CDON: variants seen among roughly 807,000 people sequenced by gnomAD.
CDON encodes cell adhesion molecule-related/down-regulated by oncogenes.
In CDON, 73 loss-of-function variants were observed where a neutral mutation model predicts 120.9. The observed-to-expected ratio is 0.60, with a 90% CI of 0.50 to 0.73. The LOEUF is 0.73. Ranked by LOEUF, CDON falls within the 30% of genes least tolerant of loss-of-function variation. The pLI is 0.00. For synonymous variants in CDON, 566 were observed against 573.5 expected, an observed-to-expected ratio of 0.99 and a Z score of 0.19; for missense variants, 1,470 against 1,587.3, an observed-to-expected ratio of 0.93 and a Z score of 1.26.
intron 2 of CDON, 86 bp downstream of exon 2, chr11:126,023,315 T>C (rs1947690151): frequency 2.3e-6 from 2 of 878,762 alleles, no homozygotes; most frequent in African/African-American, 3.3e-5. Flanking sequence ...AGCACCATTA[T>C]CACAAAGCAT....
At chr11:125,978,883 G>A (rs1482300517) in intron 17 of CDON, among the ~76,000 whole-genome samples, 4 of 152,164 alleles carry the variant, frequency 2.6e-5, no homozygotes, top group East Asian at 1.9e-4. Context: ...ACTTGACAAC[G>A]CTAAGTTTTA....
At chr11:126,053,897 T>C (rs1483022895) in intron 1 of CDON, among the ~76,000 whole-genome samples, 1 of 152,286 alleles carries the variant, frequency 6.6e-6, no homozygotes. Flanking sequence ...TGTTTTGTCA[T>C]ACCCACATCC....
At chr11:126,033,173 A>T (rs1186788132) in intron 1 of CDON, among the ~76,000 whole-genome samples, 1 of 152,164 alleles carries the variant, frequency 6.6e-6, no homozygotes, top group Non-Finnish European at 1.5e-5. Context: ...CAGACAAGTG[A>T]GTGAGTGGAT....
In CDON at chr11:125,958,274, A is replaced by G. The variant is rs868443155; in HGVS notation, c.*2668T>C. 1.3e-5 allele frequency: 2 copies of G among 152,158 alleles called. No individual in the cohort carries two copies. The highest frequency in any genetic ancestry group is 4.8e-5 in the African/African-American group (2 of 41,436). 9.4% of individuals were successfully genotyped at this position (152,158 alleles called of 1,614,324 possible). A position where few individuals can be genotyped will look rare whatever the true frequency, so the allele number is the denominator to read the frequency against. ...ATGGCTCCAGATAAACTAGGTTCGG[A>G]TTCAGGTCCCATGGCTCACTGAGTG... On this transcript the variant is annotated 3_prime_UTR_variant, in exon 20 of 20. Coordinates refer to ENST00000531738, the MANE Select transcript of CDON (RefSeq NM_001378964.1).
intron 15 of CDON, among the ~76,000 whole-genome samples, chr11:125,986,541 G>A (rs1327848162): frequency 2.6e-5 from 4 of 152,136 alleles, no homozygotes; most frequent in African/African-American, 4.8e-5. Context: ...GGAGCTGGGC[G>A]GATAACGAGG....
intron 13 of CDON, 34 bp downstream of exon 13, chr11:125,994,837 C>A: frequency 6.3e-7 from 1 of 1,586,858 alleles, no homozygotes; most frequent in Non-Finnish European, 8.7e-7. Context: ...CATGACCAAA[C>A]CACAAAATCT....
chr11:125,978,427 T>A, intron 17 of CDON, 44 bp from the exon 18 acceptor site: 1 of 1,237,562 alleles, frequency 8.1e-7, no homozygotes, highest in Non-Finnish European at 1.2e-6. Flanking sequence ...GAAGAAGGAA[T>A]GCTGAAGGTA....
At chr11:126,009,847 A>G (rs1947240048) in intron 8 of CDON, among the ~76,000 whole-genome samples, 1 of 152,204 alleles carries the variant, frequency 6.6e-6, no homozygotes, top group South Asian at 2.1e-4. Context: ...AGTCATCATC[A>G]CAAAAAATCA....
chr11:125,973,323 G>A (rs1485264112), intron 18 of CDON, among the ~76,000 whole-genome samples: 1 of 152,094 alleles, frequency 6.6e-6, no homozygotes, highest in Admixed American at 6.5e-5. Context: ...ATGAGGTTAG[G>A]AGTTCAAGAT....
At chr11:126,036,648 T>C (rs1948104467) in intron 1 of CDON, among the ~76,000 whole-genome samples, 1 of 152,100 alleles carries the variant, frequency 6.6e-6, no homozygotes, top group African/African-American at 2.4e-5. Context: ...AACATGAGGG[T>C]TTCTTTTGTT....
At chr11:125,961,306 T>C (rs539205152) in intron 19 of CDON, among the ~76,000 whole-genome samples, 12 of 152,276 alleles carry the variant, frequency 7.9e-5, no homozygotes, top group African/African-American at 2.9e-4. Flanking sequence ...TGAGAAGCTA[T>C]ACAATTCACC....
chr11:125,990,737 A>C (rs1297774256), intron 14 of CDON, among the ~76,000 whole-genome samples: 1 of 152,198 alleles, frequency 6.6e-6, no homozygotes, highest in African/African-American at 2.4e-5. Context: ...ACTCCTTTCT[A>C]ACTGAACACA....
intron 4 of CDON, among the ~76,000 whole-genome samples, chr11:126,018,723 C>T (rs1447175100): frequency 6.6e-6 from 1 of 152,028 alleles, no homozygotes; most frequent in African/African-American, 2.4e-5. Context: ...TGCATGCCAC[C>T]ACACCCAGTT....
intron 1 of CDON, among the ~76,000 whole-genome samples, chr11:126,029,428 C>T (rs745513282): frequency 1.4e-4 from 21 of 152,112 alleles, no homozygotes; most frequent in African/African-American, 3.9e-4. Context: ...ACATGTTTCT[C>T]AAAATAAATT....
chr11:126,004,829 T>A (rs1376570005), intron 9 of CDON, among the ~76,000 whole-genome samples: 7 of 152,212 alleles, frequency 4.6e-5, no homozygotes, highest in Admixed American at 2.6e-4. Context: ...TGATTTTAAA[T>A]ATGGAATGCA....
At chr11:125,977,325 A>G (rs1449937841) in intron 18 of CDON, among the ~76,000 whole-genome samples, 1 of 152,222 alleles carries the variant, frequency 6.6e-6, no homozygotes, top group Non-Finnish European at 1.5e-5. Flanking sequence ...CAACTCTCAA[A>G]ACACAGGCTG....
chr11:126,028,514 C>T (rs1232695979), intron 1 of CDON, among the ~76,000 whole-genome samples: 1 of 152,012 alleles, frequency 6.6e-6, no homozygotes, highest in Non-Finnish European at 1.5e-5. Context: ...AGGCACGTGC[C>T]AACATGCCTG....
chr11:125,981,889 C>T (rs1191744323), intron 16 of CDON, among the ~76,000 whole-genome samples: 1 of 149,450 alleles, frequency 6.7e-6, no homozygotes, highest in Non-Finnish European at 1.5e-5. Flanking sequence ...TATACAGTCA[C>T]TGATCATTCA....
At chr11:125,986,176 G>C (rs111976555) in intron 15 of CDON, among the ~76,000 whole-genome samples, 5 of 152,154 alleles carry the variant, frequency 3.3e-5, no homozygotes, top group Non-Finnish European at 7.3e-5. Flanking sequence ...CGACATGGAT[G>C]AAGCTGGAAA....
Sources: gnomAD v4.1 joint callset for allele counts (sites outside exome capture counted in the v4.1 genomes callset) on GRCh38, gnomAD v4.1.1 for gene constraint, MANE v1.5 for transcripts, NCBI Gene and HGNC (gene_info 2026-07-23, HGNC 2026-07-21) for gene names.